TANC1: variants seen among roughly 807,000 people sequenced by gnomAD.
TANC1 encodes the protein tetratricopeptide repeat, ankyrin repeat and coiled-coil containing 1, also known as protein TANC1.
A neutral mutation model predicts 149.7 loss-of-function variants in TANC1; 77 were observed. The ratio of observed to expected loss-of-function variants is 0.51; its 90% CI spans 0.43 to 0.62. The LOEUF (loss-of-function observed/expected upper bound fraction) is 0.62. Among genes scored for constraint, TANC1 ranks in the 20% least tolerant of loss-of-function variants. The probability of loss-of-function intolerance (pLI) is 0.00; values close to 1 mark genes in which losing one functional copy is unlikely to be tolerated. For missense variants in TANC1, 1,985 were observed against 2,321.8 expected (o/e 0.85, Z 2.98); for synonymous variants, 854 against 925.0 (o/e 0.92, Z 1.39).
At chr2:159,003,983 G>A in intron 2 of TANC1, 2 of 1,612,480 alleles carry the variant, frequency 1.2e-6, no homozygotes, top group Non-Finnish European at 1.7e-6. Flanking sequence ...AAAAAAAACT[G>A]GCTGTGAATA....
intron 4 of TANC1, among the ~76,000 whole-genome samples, chr2:159,135,844 A>G (rs2050608156): frequency 6.6e-6 from 1 of 152,256 alleles, no homozygotes; most frequent in Admixed American, 6.5e-5. Flanking sequence ...AGGTTTGAAC[A>G]TGTCAAAATC....
chr2:158,984,994 A>G (rs1275737461), intron 1 of TANC1, among the ~76,000 whole-genome samples: 1 of 152,130 alleles, frequency 6.6e-6, no homozygotes, highest in East Asian at 1.9e-4. Flanking sequence ...CAGCAGGGAG[A>G]TGATGTAATC....
At chr2:159,023,355 T>C (rs112955146) in intron 2 of TANC1, among the ~76,000 whole-genome samples, 1 of 152,030 alleles carries the variant, frequency 6.6e-6, no homozygotes, top group East Asian at 1.9e-4. Flanking sequence ...TTTTTTCTTT[T>C]TTTTTGAGGC....
intron 3 of TANC1, 108 bp downstream of exon 3, chr2:159,066,079 C>A: frequency 1.2e-6 from 1 of 850,018 alleles, no homozygotes; most frequent in East Asian, 2.4e-5. Context: ...GAGAGGGTTA[C>A]CTGGGTTAGA....
At chr2:159,214,263 C>G (rs533185202) in intron 19 of TANC1, among the ~76,000 whole-genome samples, 2 of 152,270 alleles carry the variant, frequency 1.3e-5, no homozygotes, top group African/African-American at 4.8e-5. Flanking sequence ...TTTGCGGAAA[C>G]TTTGGCCTCT....
chr2:159,219,915 C>A (rs760588913), intron 22 of TANC1, 48 bp downstream of exon 22: 1 of 1,599,764 alleles, frequency 6.3e-7, no homozygotes, highest in Non-Finnish European at 8.5e-7. Flanking sequence ...TGGAAAGAAA[C>A]CCCAGGAAGT....
intron 19 of TANC1, among the ~76,000 whole-genome samples, chr2:159,208,646 A>G (rs567395788): frequency 1.3e-5 from 2 of 152,298 alleles, no homozygotes; most frequent in Admixed American, 1.3e-4. Context: ...GCCTTATAAC[A>G]CAGAATCCCC....
intron 4 of TANC1, among the ~76,000 whole-genome samples, chr2:159,124,842 C>T (rs892344119): frequency 1.1e-4 from 17 of 150,444 alleles, no homozygotes; most frequent in Admixed American, 4.6e-4. Flanking sequence ...GTGATCCTCC[C>T]GCCTCAGCTC....
rs1553616294 is a variant in TANC1 at position 159,219,977 on chromosome 2, A to AGAGAGTGTGTGT, written c.3678+111_3678+112insAGAGTGTGTGTG. On this transcript the variant is annotated intron_variant, in intron 22 of 26. Transcript: ENST00000263635. ...AGGTTGTGTCTCAGTGTCATCAGAGAGTGTGTGTGTGTGTGTGTGTGTGTG... is the reference window on the plus strand; with the variant it reads ...AGGTTGTGTCTCAGTGTCATCAGAGAGAGAGTGTGTGTGTGTGTGTGTGTGTGTGTGTGTGTG... 1,020 of 560,644 alleles carry AGAGAGTGTGTGT rather than the reference A, an allele frequency of 1.8e-3. 11 individuals are homozygous for AGAGAGTGTGTGT. The African/African-American group carries it at 0.019, about 11-fold the overall frequency. 34.7% of individuals were successfully genotyped at this position (560,644 alleles called of 1,614,324 possible).
intron 3 of TANC1, among the ~76,000 whole-genome samples, chr2:159,076,405 G>A (rs1294006695): frequency 6.6e-6 from 1 of 152,116 alleles, no homozygotes; most frequent in African/African-American, 2.4e-5. Flanking sequence ...CAAAATAAAA[G>A]CATAAAAGCA....
chr2:159,082,691 T>G (rs1410602055), intron 3 of TANC1, among the ~76,000 whole-genome samples: 2 of 152,138 alleles, frequency 1.3e-5, no homozygotes, highest in Admixed American at 6.5e-5. Flanking sequence ...ATGTGTTCAC[T>G]AGGAGACAGA....
chr2:159,201,799 A>C (rs1283655423), intron 19 of TANC1, among the ~76,000 whole-genome samples: 1 of 152,200 alleles, frequency 6.6e-6, no homozygotes, highest in African/African-American at 2.4e-5. Flanking sequence ...TCCAGCATAG[A>C]TTTAGCTGTG....
At chr2:158,992,016 A>G (rs2035681768) in intron 1 of TANC1, among the ~76,000 whole-genome samples, 1 of 152,190 alleles carries the variant, frequency 6.6e-6, no homozygotes, top group South Asian at 2.1e-4. Context: ...TATTTTAAGA[A>G]TTATAAATGT....
At chr2:159,223,836 G>A (rs1296673090) in intron 22 of TANC1, among the ~76,000 whole-genome samples, 1 of 152,200 alleles carries the variant, frequency 6.6e-6, no homozygotes, top group Non-Finnish European at 1.5e-5. Context: ...TATTTCTAAA[G>A]TCACCACTGC....
chr2:159,211,163 A>C (rs1023778934), intron 19 of TANC1, among the ~76,000 whole-genome samples: 2 of 152,214 alleles, frequency 1.3e-5, no homozygotes, highest in African/African-American at 4.8e-5. Flanking sequence ...GAGCCACTGC[A>C]CCTGGCCAGT....
intron 2 of TANC1, among the ~76,000 whole-genome samples, chr2:159,032,653 G>A (rs2039877908): frequency 1.3e-5 from 2 of 152,002 alleles, no homozygotes. Context: ...ATCTAACACT[G>A]TCCCTCCATT....
intron 3 of TANC1, among the ~76,000 whole-genome samples, chr2:159,090,606 G>A (rs2045424818): frequency 6.6e-6 from 1 of 152,192 alleles, no homozygotes; most frequent in South Asian, 2.1e-4. Flanking sequence ...GTGTTCCACA[G>A]GACTGGTAGA....
intron 3 of TANC1, among the ~76,000 whole-genome samples, chr2:159,094,539 G>T (rs1182606370): frequency 6.6e-6 from 1 of 152,156 alleles, no homozygotes; most frequent in Non-Finnish European, 1.5e-5. Context: ...TCCACTGCGC[G>T]CTGGCATCAT....
intron 3 of TANC1, among the ~76,000 whole-genome samples, chr2:159,078,709 G>A (rs2043944051): frequency 6.6e-6 from 1 of 152,156 alleles, no homozygotes. Context: ...TCCTCCAACA[G>A]TACCTCTAAT....
Sources: allele counts gnomAD v4.1 joint callset (sites outside exome capture counted in the v4.1 genomes callset), GRCh38; gene constraint gnomAD v4.1.1; transcripts MANE v1.5; gene names NCBI Gene and HGNC (gene_info 2026-07-23, HGNC 2026-07-21).